SDK1: variants seen among roughly 807,000 people sequenced by gnomAD.
SDK1 encodes protein sidekick-1.
In SDK1, 157 loss-of-function variants were observed where a neutral mutation model predicts 245.5. The ratio of observed to expected loss-of-function variants is 0.64; its 90% CI spans 0.56 to 0.73. The LOEUF is 0.73. Ranked by LOEUF, SDK1 falls within the 30% of genes least tolerant of loss-of-function variation. SDK1 has a pLI of 0.00. For synonymous variants in SDK1, 1,647 were observed against 1,278.5 expected, an observed-to-expected ratio of 1.29 and a Z score of -6.15; for missense variants, 3,583 against 3,002.3, an observed-to-expected ratio of 1.19 and a Z score of -4.52.
chr7:3,834,519 G>T (rs1779987180), intron 5 of SDK1, among the ~76,000 whole-genome samples: 1 of 152,194 alleles, frequency 6.6e-6, no homozygotes, highest in Admixed American at 6.5e-5. Context: ...TTCACGTATG[G>T]AGGGATGCAC....
intron 25 of SDK1, among the ~76,000 whole-genome samples, chr7:4,126,292 C>G (rs1434866689): frequency 6.6e-6 from 1 of 152,188 alleles, no homozygotes; most frequent in Non-Finnish European, 1.5e-5. Context: ...TGGAGATTGT[C>G]TAGAATATAA....
intron 1 of SDK1, among the ~76,000 whole-genome samples, chr7:3,475,471 C>G (rs1047663221): frequency 2.6e-5 from 4 of 152,236 alleles, no homozygotes; most frequent in Non-Finnish European, 1.5e-5. Context: ...GCTGCGATGA[C>G]TTGATTTCGC....
intron 20 of SDK1, among the ~76,000 whole-genome samples, chr7:4,075,362 TGCTGTCCTCTAA>T (rs1159066940): frequency 6.6e-6 from 1 of 152,226 alleles, no homozygotes; most frequent in Admixed American, 6.5e-5. Context: ...AGTCTCAAGA[TGCTGTCCTCTAA>T]ATTCTTGTTT....
At chr7:3,556,556 A>C in intron 1 of SDK1, among the ~76,000 whole-genome samples, 1 of 152,144 alleles carries the variant, frequency 6.6e-6, no homozygotes, top group East Asian at 1.9e-4. Context: ...GTGGTGGCTC[A>C]CACCTTGTAA....
At chr7:4,264,316 G>T (rs188573021) in intron 44 of SDK1, among the ~76,000 whole-genome samples, 1 of 141,112 alleles carries the variant, frequency 7.1e-6, no homozygotes, top group Admixed American at 7.0e-5. Flanking sequence ...GACCTCTCCT[G>T]AGTGAGGGAG....
At chr7:3,955,705 A>G (rs988659866) in intron 7 of SDK1, among the ~76,000 whole-genome samples, 13 of 152,254 alleles carry the variant, frequency 8.5e-5, no homozygotes, top group Non-Finnish European at 4.4e-5. Flanking sequence ...GAAGCTTTGC[A>G]ACTCAGAAGC....
chr7:4,196,794 G>A (rs1783605446), intron 35 of SDK1, among the ~76,000 whole-genome samples: 1 of 152,238 alleles, frequency 6.6e-6, no homozygotes, highest in Non-Finnish European at 1.5e-5. Context: ...CCTACCTCAT[G>A]AGCCAGTGCT....
At chr7:3,330,042 T>C (rs927345069) in intron 1 of SDK1, among the ~76,000 whole-genome samples, 3 of 152,222 alleles carry the variant, frequency 2.0e-5, no homozygotes, top group Admixed American at 6.5e-5. Flanking sequence ...CATTCCTTTT[T>C]ATGGCTAAAT....
At chr7:4,228,844 T>C (rs1303366482) in intron 40 of SDK1, among the ~76,000 whole-genome samples, 1 of 152,144 alleles carries the variant, frequency 6.6e-6, no homozygotes, top group African/African-American at 2.4e-5. Context: ...GGCCCTTGCT[T>C]TTCCTACAAC....
chr7:3,758,157 G>A (rs1779989838), intron 4 of SDK1, among the ~76,000 whole-genome samples: 1 of 152,164 alleles, frequency 6.6e-6, no homozygotes, highest in South Asian at 2.1e-4. Context: ...TGTTAAAACC[G>A]CCACTGTACT....
At chr7:4,130,999 C>A (rs1784774811) in intron 27 of SDK1, among the ~76,000 whole-genome samples, 1 of 152,142 alleles carries the variant, frequency 6.6e-6, no homozygotes, top group Admixed American at 6.5e-5. Context: ...CCTCGCCTCG[C>A]CTCACGGAGA....
At chr7:3,617,536 C>G (rs1781807313) in intron 1 of SDK1, among the ~76,000 whole-genome samples, 1 of 152,176 alleles carries the variant, frequency 6.6e-6, no homozygotes, top group Non-Finnish European at 1.5e-5. Context: ...CTGTAACAGA[C>G]TGGGTGATTC....
At chr7:3,573,390 G>A (rs1408796489) in intron 1 of SDK1, among the ~76,000 whole-genome samples, 1 of 152,098 alleles carries the variant, frequency 6.6e-6, no homozygotes, top group Non-Finnish European at 1.5e-5. Context: ...CTTCTCTGCT[G>A]GGCCAGCCTT....
intron 1 of SDK1, among the ~76,000 whole-genome samples, chr7:3,401,472 C>T (rs1280430762): frequency 1.3e-5 from 2 of 152,096 alleles, no homozygotes; most frequent in Admixed American, 1.3e-4. Flanking sequence ...ATGGTACTTG[C>T]CAAACTATTC....
At chr7:3,609,630 G>A (rs1449211638) in intron 1 of SDK1, among the ~76,000 whole-genome samples, 1 of 152,094 alleles carries the variant, frequency 6.6e-6, no homozygotes. Context: ...TCGATTTCCT[G>A]ATCTTATGAT....
intron 4 of SDK1, among the ~76,000 whole-genome samples, chr7:3,771,945 C>T (rs1300623567): frequency 6.6e-6 from 1 of 152,138 alleles, no homozygotes; most frequent in Non-Finnish European, 1.5e-5. Flanking sequence ...TGGCTGGCAC[C>T]CTTCTACTTT....
chr7:3,781,067 C>G (rs951500501), intron 4 of SDK1, among the ~76,000 whole-genome samples: 2 of 152,004 alleles, frequency 1.3e-5, no homozygotes, highest in Non-Finnish European at 2.9e-5. Flanking sequence ...CAGTCAAAAG[C>G]CCACCTCATA....
intron 5 of SDK1, among the ~76,000 whole-genome samples, chr7:3,943,696 G>C (rs189207222): frequency 6.6e-6 from 1 of 151,852 alleles, no homozygotes; most frequent in African/African-American, 2.4e-5. Context: ...TTAGCAGTTC[G>C]GGTTAACTTT....
intron 1 of SDK1, among the ~76,000 whole-genome samples, chr7:3,440,085 T>C (rs1780151112): frequency 2.0e-5 from 3 of 152,166 alleles, no homozygotes; most frequent in Admixed American, 2.0e-4. Flanking sequence ...TCACCTGTGG[T>C]CCGAAAACAT....
Sources: allele counts gnomAD v4.1 joint callset (sites outside exome capture counted in the v4.1 genomes callset), GRCh38; gene constraint gnomAD v4.1.1; transcripts MANE v1.5; gene names NCBI Gene and HGNC (gene_info 2026-07-23, HGNC 2026-07-21).